The following RASGEF1B variants were observed in gnomAD, a reference collection of about 807,000 sequenced individuals.
The protein encoded by RASGEF1B is RasGEF domain family member 1B.
In RASGEF1B, 30 loss-of-function variants were observed where a neutral mutation model predicts 65.7. That is an observed-to-expected ratio of 0.46 (90% CI 0.34 to 0.62). The LOEUF (loss-of-function observed/expected upper bound fraction) is 0.62, where lower values mean the gene tolerates loss of function less well. RASGEF1B is among the 20% of genes least tolerant of loss of function. RASGEF1B has a pLI of 0.01. For missense variants in RASGEF1B, 495 were observed against 580.1 expected (o/e 0.85, Z 1.51); for synonymous variants, 175 against 194.8 (o/e 0.90, Z 0.85).
chr4:81,433,987 T>C, intron 11 of RASGEF1B, 24 bp from the exon 12 acceptor site: 1 of 1,594,926 alleles, frequency 6.3e-7, no homozygotes, highest in Non-Finnish European at 8.6e-7. Flanking sequence ...AAAAAAAGAA[T>C]ATAAAGGTGA....
intron 4 of RASGEF1B, among the ~76,000 whole-genome samples, chr4:81,450,407 C>G (rs1323218615): frequency 6.6e-6 from 1 of 152,026 alleles, no homozygotes; most frequent in African/African-American, 2.4e-5. Context: ...ACTCTGTTGC[C>G]CAGGCTGGAG....
At chr4:81,461,824 G>C (rs923449292) in intron 1 of RASGEF1B, among the ~76,000 whole-genome samples, 3 of 152,096 alleles carry the variant, frequency 2.0e-5, no homozygotes. Flanking sequence ...GAGACCCAAG[G>C]GGGTAAGGTG....
At chr4:81,435,270 G>C (rs1232119804) in intron 10 of RASGEF1B, among the ~76,000 whole-genome samples, 1 of 151,356 alleles carries the variant, frequency 6.6e-6, no homozygotes. Context: ...AATTAGCCAG[G>C]TGTGGTGGCG....
chr4:81,465,080 A>T (rs1407367454), intron 1 of RASGEF1B, among the ~76,000 whole-genome samples: 1 of 149,234 alleles, frequency 6.7e-6, no homozygotes, highest in Non-Finnish European at 1.5e-5. Context: ...GCAAAACTCC[A>T]TCTCAAAAAA....
Position 81,457,622 on chromosome 4 carries a change from C to T in RASGEF1B, c.178-1G>A. 6.2e-7 allele frequency: 1 copy of T among 1,612,634 alleles called. No homozygotes were observed. The highest frequency in any genetic ancestry group is 8.5e-7 in the Non-Finnish European group (1 of 1,179,574). On this transcript the variant is annotated splice_acceptor_variant, in intron 2 of 13. Coordinates refer to ENST00000264400, the MANE Select transcript of RASGEF1B (RefSeq NM_152545.3). LOFTEE classifies it high-confidence loss of function. Reference sequence around the variant, plus strand: ...GTAGGAAGGTAAATATGTATGTTCTCTGCAGCAACAGAAAAAAGTCATCAT... The same window carrying T: ...GTAGGAAGGTAAATATGTATGTTCTTTGCAGCAACAGAAAAAAGTCATCAT...
In RASGEF1B at chr4:81,444,397, A is replaced by G. The variant is rs72663858; in HGVS notation, c.928+1129T>C. 4.8e-3 allele frequency among the ~76,000 whole-genome samples: 726 copies of G among 152,148 alleles called. 5 individuals carry two copies. In the Middle Eastern group the frequency reaches 0.058, roughly 12 times the overall value. Reference sequence around the variant, plus strand: ...CTTGGCCAGTATTTTTTATGGGGGGAGAGAAAGAGGAAATGATATGTAAAC... The same window carrying G: ...CTTGGCCAGTATTTTTTATGGGGGGGGAGAAAGAGGAAATGATATGTAAAC... On this transcript the variant is annotated intron_variant, in intron 8 of 13. Transcript: ENST00000264400.
intron 1 of RASGEF1B, among the ~76,000 whole-genome samples, chr4:81,464,848 G>A (rs1239392133): frequency 2.6e-5 from 4 of 152,124 alleles, no homozygotes; most frequent in Non-Finnish European, 4.4e-5. Flanking sequence ...ACTTCGGGAG[G>A]CTGAGGCGGG....
intron 1 of RASGEF1B, among the ~76,000 whole-genome samples, chr4:81,463,446 T>C (rs1261856620): frequency 2.0e-5 from 3 of 152,222 alleles, no homozygotes; most frequent in Non-Finnish European, 4.4e-5. Context: ...GATAGCCTCT[T>C]AGACTCAATG....
At chr4:81,459,824 T>C (rs1216852392) in intron 1 of RASGEF1B, among the ~76,000 whole-genome samples, 1 of 152,158 alleles carries the variant, frequency 6.6e-6, no homozygotes, top group African/African-American at 2.4e-5. Context: ...TCACATCAGA[T>C]TGTGAAAGGG....
chr4:81,428,229 C>T (rs1721294670), intron 13 of RASGEF1B, among the ~76,000 whole-genome samples: 1 of 152,078 alleles, frequency 6.6e-6, no homozygotes. Context: ...GTGTATCTGC[C>T]ACTGATGAAT....
chr4:81,460,398 A>G (rs569604082), intron 1 of RASGEF1B, among the ~76,000 whole-genome samples: 1 of 152,308 alleles, frequency 6.6e-6, no homozygotes, highest in African/African-American at 2.4e-5. Flanking sequence ...CGTCTGCACA[A>G]TGGAGGCATT....
intron 10 of RASGEF1B, among the ~76,000 whole-genome samples, chr4:81,438,874 C>T (rs760139494): frequency 3.9e-5 from 6 of 152,160 alleles, no homozygotes; most frequent in Admixed American, 1.3e-4. Context: ...CTTCTAGCTT[C>T]ATCTATGTCC....
intron 8 of RASGEF1B, among the ~76,000 whole-genome samples, chr4:81,444,560 C>T (rs977836760): frequency 4.6e-5 from 7 of 152,000 alleles, no homozygotes; most frequent in Middle Eastern, 3.4e-3. Flanking sequence ...TTTTTTTAGA[C>T]GGAGTCTCCC....
chr4:81,447,293 A>G (rs974947591), intron 6 of RASGEF1B, among the ~76,000 whole-genome samples: 3 of 152,196 alleles, frequency 2.0e-5, no homozygotes, highest in African/African-American at 7.2e-5. Flanking sequence ...AGAAAAGGCT[A>G]CAAGTTAGTG....
chr4:81,450,264 T>C (rs529622382), intron 4 of RASGEF1B, among the ~76,000 whole-genome samples: 1 of 152,250 alleles, frequency 6.6e-6, no homozygotes, highest in Admixed American at 6.5e-5. Flanking sequence ...ACATCTGTAA[T>C]CCCAGCACTT....
chr4:81,449,048 G>T (rs1233486732), intron 4 of RASGEF1B, among the ~76,000 whole-genome samples: 3 of 152,118 alleles, frequency 2.0e-5, no homozygotes, highest in African/African-American at 7.2e-5. Context: ...TCCTGACCTT[G>T]TGATCCGCCT....
chr4:81,454,368 G>C (rs1722371724), intron 4 of RASGEF1B: 1 of 152,164 alleles, frequency 6.6e-6, no homozygotes, highest in South Asian at 2.1e-4. Context: ...AGTTATAAAG[G>C]CAATAGAGGG....
At chr4:81,441,311 C>T (rs1178195899) in intron 9 of RASGEF1B, among the ~76,000 whole-genome samples, 1 of 151,956 alleles carries the variant, frequency 6.6e-6, no homozygotes, top group Non-Finnish European at 1.5e-5. Flanking sequence ...TTTGTAGTGA[C>T]AAATCATGCA....
At chr4:81,441,539 G>A (rs373806591) in intron 9 of RASGEF1B, among the ~76,000 whole-genome samples, 132 of 143,564 alleles carry the variant, frequency 9.2e-4, no homozygotes, top group African/African-American at 3.0e-3. Flanking sequence ...TCTTGCACGC[G>A]ATTTTTTTTT....
Sources: gnomAD v4.1 joint callset for allele counts (sites outside exome capture counted in the v4.1 genomes callset) on GRCh38, gnomAD v4.1.1 for gene constraint, MANE v1.5 for transcripts, NCBI Gene and HGNC (gene_info 2026-07-23, HGNC 2026-07-21) for gene names.